Variants in CLASP1 observed in about 807,000 individuals in gnomAD.
CLASP1 encodes the protein cytoplasmic linker associated protein 1, also known as CLIP-associating protein 1.
A neutral mutation model predicts 192.3 loss-of-function variants in CLASP1; 38 were observed. The observed-to-expected ratio is 0.20, with a 90% confidence interval of 0.15 to 0.26. The LOEUF is 0.26. Among genes scored for constraint, CLASP1 ranks in the 10% least tolerant of loss-of-function variants. The pLI is 1.00. For missense variants in CLASP1, 1,433 were observed against 1,932.5 expected, an observed-to-expected ratio of 0.74 and a Z score of 4.85; for synonymous variants, 691 against 712.8, an observed-to-expected ratio of 0.97 and a Z score of 0.49.
intron 1 of CLASP1, among the ~76,000 whole-genome samples, chr2:121,637,275 G>A (rs928744905): frequency 2.0e-5 from 3 of 152,074 alleles, no homozygotes; most frequent in African/African-American, 7.2e-5. Context: ...AAGAGGAGAG[G>A]TTGAGAGAAT....
chr2:121,612,652 T>C (rs575338759), intron 1 of CLASP1, among the ~76,000 whole-genome samples: 10 of 152,180 alleles, frequency 6.6e-5, no homozygotes, highest in Middle Eastern at 3.4e-3. Context: ...AGGCTCTCCA[T>C]GAGGGAAAAG....
intron 7 of CLASP1, among the ~76,000 whole-genome samples, chr2:121,512,424 G>A (rs779412499): frequency 9.2e-5 from 14 of 152,174 alleles, no homozygotes; most frequent in Non-Finnish European, 2.1e-4. Context: ...ATGATGGCTA[G>A]AAGTTATTTA....
At chr2:121,399,656 T>C (rs1383988145) in intron 28 of CLASP1, among the ~76,000 whole-genome samples, 4 of 152,134 alleles carry the variant, frequency 2.6e-5, no homozygotes, top group Admixed American at 2.6e-4. Context: ...AAGGGAATAT[T>C]AAAAACGCTT....
intron 9 of CLASP1, among the ~76,000 whole-genome samples, chr2:121,465,321 G>C (rs1021868219): frequency 2.6e-5 from 4 of 152,182 alleles, no homozygotes; most frequent in African/African-American, 9.7e-5. Flanking sequence ...GTTCAGCAAA[G>C]TCTCAGGATA....
chr2:121,500,385 AAAGAAAGAAAG>A (rs2093705960), intron 8 of CLASP1, among the ~76,000 whole-genome samples: 2 of 143,570 alleles, frequency 1.4e-5, no homozygotes, highest in African/African-American at 5.4e-5. Flanking sequence ...AGAAAGAAAG[AAAGAAAGAAAG>A]AAAAGAAAGA....
intron 6 of CLASP1, among the ~76,000 whole-genome samples, chr2:121,522,035 G>A (rs2104575983): frequency 6.6e-6 from 1 of 152,314 alleles, no homozygotes; most frequent in African/African-American, 2.4e-5. Flanking sequence ...AACCCCAGAA[G>A]CAGGAATAAT....
chr2:121,592,937 C>T (rs1446200641), intron 2 of CLASP1, among the ~76,000 whole-genome samples: 5 of 152,148 alleles, frequency 3.3e-5, no homozygotes, highest in East Asian at 1.9e-4. Flanking sequence ...TGAGCCACCA[C>T]GCCCGGCCTA....
At chr2:121,531,400 C>G (rs113786241) in intron 2 of CLASP1, among the ~76,000 whole-genome samples, 2 of 151,822 alleles carry the variant, frequency 1.3e-5, no homozygotes, top group Non-Finnish European at 2.9e-5. Context: ...TCGAGACCAT[C>G]CTGGCTAACA....
At chr2:121,507,314 C>T (rs908159622) in intron 7 of CLASP1, among the ~76,000 whole-genome samples, 1 of 151,972 alleles carries the variant, frequency 6.6e-6, no homozygotes, top group African/African-American at 2.4e-5. Context: ...AAAAATTCAC[C>T]AGGAGGAGTT....
At position 121,425,101 on chromosome 2, in the gene CLASP1, G is replaced by A. The variant is rs781462189; in HGVS notation, c.2212+38C>T. 1.0e-5 allele frequency: 16 copies of A among 1,557,602 alleles called. No individual in the cohort carries two copies. The Admixed American group carries it at 2.0e-4, about 19-fold the overall frequency. On this transcript the variant is annotated intron_variant, in intron 22 of 39. Coordinates refer to ENST00000263710, the Ensembl canonical transcript of CLASP1. ...AGATTATAATCAAAACTATGACCAA[G>A]CTGGGAATGGTATTCCAAGATCTTT...
chr2:121,566,627 G>A (rs767398771), intron 2 of CLASP1, among the ~76,000 whole-genome samples: 2 of 152,210 alleles, frequency 1.3e-5, no homozygotes, highest in African/African-American at 2.4e-5. Context: ...GATTTACTGT[G>A]TGCAAAGCAC....
At position 121,407,605 on chromosome 2, in the gene CLASP1, A is replaced by C. The variant is rs760675440; in HGVS notation, c.2535T>G (p.Gly845=). Residue 845 remains glycine (G), a synonymous_variant, in exon 25 of 40, where the codon GGT becomes GGG. Coordinates refer to ENST00000263710, the Ensembl canonical transcript of CLASP1. ...TCTGCCGCAGATAATGGGGAATGCCACCATTCCTGGAGCCATATGAGCGCT... is the reference window on the plus strand; with the variant it reads ...TCTGCCGCAGATAATGGGGAATGCCCCCATTCCTGGAGCCATATGAGCGCT... The C allele has an allele frequency of 1.2e-5, 20 of 1,613,954 alleles. No homozygotes were observed. In the South Asian group the frequency reaches 1.8e-4, roughly 14 times the overall value.
rs138108198 is a variant in CLASP1, at chr2:121,561,405, A to T, written c.196-31080T>A. On this transcript the variant is annotated intron_variant, in intron 2 of 39. Transcript: ENST00000263710. ...TTCTCTTACCTTAAATACTGCAGTG[A>T]CTAAAAAAGAGTAGCTTGCAGTGCA... Among the ~76,000 whole-genome samples, 182 of 152,334 alleles carry T rather than the reference A, an allele frequency of 1.2e-3. 1 individual carries two copies. The highest frequency in any genetic ancestry group is 3.3e-3 in the Admixed American group (51 of 15,300).
chr2:121,539,034 G>A (rs1319186365), intron 2 of CLASP1, among the ~76,000 whole-genome samples: 3 of 151,876 alleles, frequency 2.0e-5, no homozygotes, highest in Non-Finnish European at 4.4e-5. Flanking sequence ...TAAAATAAAC[G>A]GAAAGATAAA....
rs1220432825 is a variant in CLASP1 at position 121,397,719 on chromosome 2, T to A, written c.2980-436A>T. ...CTGATGCTCTGTCCTAACTTCACCA[T>A]CAACTTCTCAACTAGCTTTGACTTC... On this transcript the variant is annotated intron_variant, in intron 29 of 39. Coordinates refer to ENST00000263710, the Ensembl canonical transcript of CLASP1. Among the ~76,000 whole-genome samples the A allele has an allele frequency of 2.6e-5, 4 of 152,228 alleles. No homozygotes were observed. In the South Asian group the frequency reaches 6.2e-4, roughly 24 times the overall value.
At chr2:121,567,300 T>C (rs1247538775) in intron 2 of CLASP1, among the ~76,000 whole-genome samples, 2 of 152,166 alleles carry the variant, frequency 1.3e-5, no homozygotes, top group Admixed American at 1.3e-4. Flanking sequence ...AACAAAGCCC[T>C]TGCCCTCTGG....
intron 8 of CLASP1, among the ~76,000 whole-genome samples, chr2:121,478,915 C>T (rs1179257412): frequency 5.0e-5 from 2 of 40,194 alleles, no homozygotes; most frequent in Admixed American, 2.4e-4. Flanking sequence ...CCACACACAC[C>T]ACACACACAC....
intron 34 of CLASP1, among the ~76,000 whole-genome samples, chr2:121,370,940 C>T (rs1227997657): frequency 1.3e-5 from 2 of 152,170 alleles, no homozygotes; most frequent in African/African-American, 4.8e-5. Flanking sequence ...TACAGAACAT[C>T]ATCCACAGGA....
intron 1 of CLASP1, among the ~76,000 whole-genome samples, chr2:121,641,649 C>T (rs1435933232): frequency 6.6e-6 from 1 of 152,046 alleles, no homozygotes; most frequent in Non-Finnish European, 1.5e-5. Context: ...ACTGAAGGCC[C>T]TCATGATTGC....
Sources: allele counts gnomAD v4.1 joint callset (sites outside exome capture counted in the v4.1 genomes callset), GRCh38; gene constraint gnomAD v4.1.1; transcripts MANE v1.5; gene names NCBI Gene and HGNC (gene_info 2026-07-23, HGNC 2026-07-21).